The following SIPA1L3 variants were observed in gnomAD, a reference collection of about 807,000 sequenced individuals.
SIPA1L3 encodes the protein signal-induced proliferation-associated 1-like protein 3.
In SIPA1L3, 59 loss-of-function variants were observed where a neutral mutation model predicts 150.1. That is an observed-to-expected ratio of 0.39 (90% confidence interval 0.32 to 0.49). The LOEUF (loss-of-function observed/expected upper bound fraction) is 0.49, where lower values mean the gene tolerates loss of function less well. Among genes scored for constraint, SIPA1L3 ranks in the 20% least tolerant of loss-of-function variants. The pLI is 0.86. For missense variants in SIPA1L3, 2,211 were observed against 2,489.5 expected (o/e 0.89, Z 2.38); for synonymous variants, 1,070 against 1,077.6 (o/e 0.99, Z 0.14).
chr19:38,169,250 G>A (rs901014740), intron 15 of SIPA1L3, among the ~76,000 whole-genome samples: 11 of 152,086 alleles, frequency 7.2e-5, no homozygotes, highest in Non-Finnish European at 1.0e-4. Flanking sequence ...TTAGCCAGGC[G>A]TGGTGGTGCA....
Position 38,082,234 on chromosome 19 carries a change from C to T in SIPA1L3, c.669C>T (p.Asn223=), listed in dbSNP as rs896493680. 5 of 1,601,804 alleles carry T rather than the reference C, an allele frequency of 3.1e-6. No individual in the cohort carries two copies. Among genetic ancestry groups the T allele is most frequent in the Non-Finnish European group, 3.4e-6 (4 of 1,179,760 alleles). Residue 223 remains asparagine (N), a synonymous_variant, in exon 3 of 22, where the codon AAC becomes AAT. Coordinates refer to ENST00000222345, the MANE Select transcript of SIPA1L3 (RefSeq NM_015073.3). ...MPEQSFFDIL[N]EFRSEQPDAR... ...AGCAGAGCTTCTTCGACATCCTGAACGAGTTCCGCAGCGAGCAGCCCGACG... is the reference window on the plus strand; with the variant it reads ...AGCAGAGCTTCTTCGACATCCTGAATGAGTTCCGCAGCGAGCAGCCCGACG...
intron 2 of SIPA1L3, among the ~76,000 whole-genome samples, chr19:38,079,327 C>G (rs368977926): frequency 3.3e-5 from 5 of 152,288 alleles, no homozygotes; most frequent in South Asian, 4.1e-4. Flanking sequence ...AGCGAGACTC[C>G]GTCTCAACTG....
chr19:38,104,583 TG>T (rs1285665208), intron 6 of SIPA1L3, among the ~76,000 whole-genome samples: 2 of 152,136 alleles, frequency 1.3e-5, no homozygotes, highest in Non-Finnish European at 2.9e-5. Context: ...TTTGTTTTTT[TG>T]TTTTTTTGAG....
intron 10 of SIPA1L3, chr19:38,131,508 CAG>C (rs1051792178): frequency 6.5e-6 from 1 of 154,430 alleles, no homozygotes; most frequent in Non-Finnish European, 1.4e-5. Flanking sequence ...GAGCAAAGGA[CAG>C]AGAGGTGACC....
intron 1 of SIPA1L3, among the ~76,000 whole-genome samples, chr19:38,015,657 AAGGTTGCAGTGAGCTGTGATC>A (rs1307922658): frequency 6.8e-6 from 1 of 148,064 alleles, no homozygotes; most frequent in African/African-American, 2.5e-5. Context: ...CTGGGAGGTC[AAGGTTGCAGTGAGCTGTGATC>A]AGGTCACAGC....
intron 2 of SIPA1L3, among the ~76,000 whole-genome samples, chr19:38,054,959 C>T (rs922968470): frequency 1.3e-5 from 2 of 152,168 alleles, no homozygotes; most frequent in African/African-American, 4.8e-5. Context: ...GACAAGTAAA[C>T]GACTGAATAG....
At chr19:38,148,437 G>A (rs967591461) in intron 12 of SIPA1L3, among the ~76,000 whole-genome samples, 1 of 151,938 alleles carries the variant, frequency 6.6e-6, no homozygotes, top group East Asian at 1.9e-4. Flanking sequence ...CTCTGTGGCT[G>A]TGTTAACTGT....
Position 37,926,757 on chromosome 19 carries a change from G to A in SIPA1L3, c.-379+19399G>A, listed in dbSNP as rs1437549666. Among the ~76,000 whole-genome samples the A allele has an allele frequency of 1.3e-4, 20 of 152,132 alleles. 1 individual carries two copies. Among genetic ancestry groups the A allele is most frequent in the Non-Finnish European group, 7.4e-5 (5 of 68,024 alleles). On this transcript the variant is annotated intron_variant, in intron 1 of 21. Coordinates refer to ENST00000222345, the MANE Select transcript of SIPA1L3 (RefSeq NM_015073.3). Reference sequence around the variant, plus strand: ...GCGCCAACTTTGGAAGAGCTCAGTCGGGAAGTTGTGTCAGTTGGTAAGCCT... The same window carrying A: ...GCGCCAACTTTGGAAGAGCTCAGTCAGGAAGTTGTGTCAGTTGGTAAGCCT...
Position 38,081,481 on chromosome 19 carries a change from C to A in SIPA1L3, c.-85C>A. 7.4e-7 allele frequency: 1 copy of A among 1,343,864 alleles called. No individual in the cohort carries two copies. Among genetic ancestry groups the A allele is most frequent in the Non-Finnish European group, 1.0e-6 (1 of 986,842 alleles). The allele number at this position is 1,343,864 out of a possible 1,614,324, so 83.2% of individuals were successfully genotyped here. A position where few individuals can be genotyped will look rare whatever the true frequency, so the allele number is the denominator to read the frequency against. On this transcript the variant is annotated 5_prime_UTR_variant, in exon 3 of 22. Coordinates refer to ENST00000222345, the MANE Select transcript of SIPA1L3 (RefSeq NM_015073.3). The stretch of plus-strand genomic sequence containing the variant: ...GCATCCTTCATCCTGGGCCTGGCTG[C>A]CCTGAACAATGGCTGAGGGCTGGGG...
Position 38,164,986 on chromosome 19 carries a change from C to T in SIPA1L3, c.4208+80C>T. 1 of 1,322,768 alleles carries T rather than the reference C, an allele frequency of 7.6e-7. No individual in the cohort carries two copies. Among genetic ancestry groups the T allele is most frequent in the Non-Finnish European group, 1.0e-6 (1 of 989,846 alleles). The allele number at this position is 1,322,768 out of a possible 1,614,324, so 81.9% of individuals were successfully genotyped here. ...CTTTTACGGTCCTGATGGTGGGGTTCTCCTCCCCAGAAACACACTCACGGA... is the reference window on the plus strand; with the variant it reads ...CTTTTACGGTCCTGATGGTGGGGTTTTCCTCCCCAGAAACACACTCACGGA... On this transcript the variant is annotated intron_variant, in intron 15 of 21. Coordinates refer to ENST00000222345, the MANE Select transcript of SIPA1L3 (RefSeq NM_015073.3). The surrounding 1 kb of genome is among the most constrained non-coding windows in gnomAD (Gnocchi z 4.1).
At chr19:37,933,722 G>A (rs146648393) in intron 1 of SIPA1L3, among the ~76,000 whole-genome samples, 1 of 152,306 alleles carries the variant, frequency 6.6e-6, no homozygotes, top group East Asian at 1.9e-4. Flanking sequence ...TCTGGCACCT[G>A]CCTGCAGCAT....
At chr19:38,080,328 G>T (rs1035997554) in intron 2 of SIPA1L3, among the ~76,000 whole-genome samples, 1 of 152,200 alleles carries the variant, frequency 6.6e-6, no homozygotes, top group Non-Finnish European at 1.5e-5. Context: ...AATACAGGGG[G>T]CAGAGGAACA....
intron 18 of SIPA1L3, 127 bp downstream of exon 18, chr19:38,193,907 G>T (rs1051744293): frequency 6.3e-6 from 7 of 1,117,928 alleles, no homozygotes; most frequent in Admixed American, 7.3e-5. Context: ...TCTCAGGGAG[G>T]AATGGGGTTC....
intron 7 of SIPA1L3, 29 bp from the exon 8 acceptor site, chr19:38,110,198 T>C (rs765770232): frequency 6.2e-7 from 1 of 1,610,976 alleles, no homozygotes; most frequent in Non-Finnish European, 8.5e-7. Flanking sequence ...TGTGACAGGT[T>C]CCTGTCCCCC....
At chr19:37,970,276 T>G (rs1435885898) in intron 1 of SIPA1L3, among the ~76,000 whole-genome samples, 3 of 152,218 alleles carry the variant, frequency 2.0e-5, no homozygotes, top group African/African-American at 7.2e-5. Context: ...CCAAAGTGAC[T>G]TTCCTTTTGG....
rs1031784069 is a variant in SIPA1L3 at position 37,965,907 on chromosome 19, A to C, written c.-379+58549A>C. On this transcript the variant is annotated intron_variant, in intron 1 of 21. Transcript: ENST00000222345. ...GGCATTGCCACCTCCTGCCCACCTCAGAAGCACCTGCCACCTTCCTGATCT... is the reference window on the plus strand; with the variant it reads ...GGCATTGCCACCTCCTGCCCACCTCCGAAGCACCTGCCACCTTCCTGATCT... 2.2e-4 allele frequency among the ~76,000 whole-genome samples: 33 copies of C among 152,082 alleles called. No homozygotes were observed. In the East Asian group the frequency reaches 6.2e-3, roughly 28 times the overall value.
At chr19:38,101,498 T>C (rs959200808) in intron 6 of SIPA1L3, among the ~76,000 whole-genome samples, 1 of 152,054 alleles carries the variant, frequency 6.6e-6, no homozygotes, top group Non-Finnish European at 1.5e-5. Flanking sequence ...AACCTCTACC[T>C]CCCAGGTTCA....
chr19:38,175,936 T>G (rs58352573), intron 15 of SIPA1L3, among the ~76,000 whole-genome samples: 84 of 151,828 alleles, frequency 5.5e-4, no homozygotes, highest in South Asian at 3.5e-3. Context: ...GGCTGGGCGC[T>G]GTGGCTCACG....
chr19:38,069,056 G>A (rs1452190706), intron 2 of SIPA1L3, among the ~76,000 whole-genome samples: 1 of 152,172 alleles, frequency 6.6e-6, no homozygotes, highest in Non-Finnish European at 1.5e-5. Context: ...GAACAAATAT[G>A]TTAGATCCCA....
Sources: allele counts gnomAD v4.1 joint callset (sites outside exome capture counted in the v4.1 genomes callset), GRCh38; gene constraint gnomAD v4.1.1; non-coding constraint Gnocchi (gnomAD v3.1); transcripts MANE v1.5; gene names NCBI Gene and HGNC (gene_info 2026-07-23, HGNC 2026-07-21).